PCED1B: variants seen among roughly 807,000 people sequenced by gnomAD.
PCED1B encodes PC-esterase domain-containing protein 1B.
For synonymous variants in PCED1B, 251 were observed against 246.1 expected, an observed-to-expected ratio of 1.02 and a Z score of -0.19; for missense variants, 573 against 573.9, an observed-to-expected ratio of 1.00 and a Z score of 0.02.
At chr12:47,193,966 C>T (rs1419367365) in intron 2 of PCED1B, among the ~76,000 whole-genome samples, 1 of 152,200 alleles carries the variant, frequency 6.6e-6, no homozygotes, top group East Asian at 1.9e-4. Context: ...TTCTGGTTTC[C>T]TGCCTACCTC....
At chr12:47,079,781 A>G (rs1211280370) in intron 1 of PCED1B, 56 bp downstream of exon 1, 1 of 149,422 alleles carries the variant, frequency 6.7e-6, no homozygotes, top group South Asian at 2.1e-4. Context: ...CCCCGCTCCC[A>G]GAGCCGGGGC....
chr12:47,194,462 C>T (rs1489788092), intron 2 of PCED1B, among the ~76,000 whole-genome samples: 1 of 152,126 alleles, frequency 6.6e-6, no homozygotes, highest in Non-Finnish European at 1.5e-5. Context: ...CGTGAGCCAC[C>T]GCACCTTGCT....
chr12:47,186,384 A>T (rs1216496811), intron 2 of PCED1B, among the ~76,000 whole-genome samples: 3 of 152,104 alleles, frequency 2.0e-5, no homozygotes, highest in Non-Finnish European at 4.4e-5. Context: ...AGGGCTAGTT[A>T]ATACGTTTTG....
In PCED1B at chr12:47,216,402, A is replaced by T. The variant is rs999918686; in HGVS notation, c.-345A>T. On this transcript the variant is annotated 5_prime_UTR_variant, in exon 3 of 4. It removes an upstream start codon present in the reference 5' UTR. Transcript: ENST00000546455. ...GACTTACCATTTCATGTTTTCACAC[A>T]TGTCAAAGTCTTGAAGCTTCGGTCA... 16 of 152,184 alleles carry T rather than the reference A, an allele frequency of 1.1e-4. No individual in the cohort carries two copies. Among genetic ancestry groups the T allele is most frequent in the African/African-American group, 3.9e-4 (16 of 41,396 alleles). The allele number at this position is 152,184 out of a possible 1,614,324, so 9.4% of individuals were successfully genotyped here.
chr12:47,163,872 A>G (rs1941463959), intron 2 of PCED1B, among the ~76,000 whole-genome samples: 1 of 152,218 alleles, frequency 6.6e-6, no homozygotes, highest in Non-Finnish European at 1.5e-5. Context: ...GTGAGCAGGC[A>G]TGTACAAAGA....
At chr12:47,167,745 T>C (rs1941592328) in intron 2 of PCED1B, among the ~76,000 whole-genome samples, 2 of 152,196 alleles carry the variant, frequency 1.3e-5, no homozygotes, top group East Asian at 1.9e-4. Flanking sequence ...TGAGTTGGTA[T>C]TCTGTTATAG....
At chr12:47,151,334 G>C (rs1488443537) in intron 2 of PCED1B, among the ~76,000 whole-genome samples, 1 of 152,088 alleles carries the variant, frequency 6.6e-6, no homozygotes, top group East Asian at 1.9e-4. Flanking sequence ...ACAGTATTCA[G>C]AATAGTAACA....
At chr12:47,102,645 C>T (rs745374897) in intron 1 of PCED1B, among the ~76,000 whole-genome samples, 2 of 152,180 alleles carry the variant, frequency 1.3e-5, no homozygotes, top group African/African-American at 2.4e-5. Flanking sequence ...GTTTGAGTTA[C>T]AGTCCTGAGA....
At chr12:47,195,336 AAAAAAG>A (rs891930406) in intron 2 of PCED1B, among the ~76,000 whole-genome samples, 1 of 151,854 alleles carries the variant, frequency 6.6e-6, no homozygotes, top group African/African-American at 2.4e-5. Flanking sequence ...CTCAAAAAAA[AAAAAAG>A]AAAAAAAGAA....
Position 47,140,740 on chromosome 12 carries a change from A to G in PCED1B, c.-526+36545A>G, listed in dbSNP as rs554975954. On this transcript the variant is annotated intron_variant, in intron 2 of 3. Coordinates refer to ENST00000546455, the MANE Select transcript of PCED1B (RefSeq NM_138371.3). ...TAATTGTAGTGGCTGCATGCAAAAA[A>G]AGAAAATATATCCAAAATACAATGA... 2.0e-5 allele frequency among the ~76,000 whole-genome samples: 3 copies of G among 152,334 alleles called. No homozygotes were observed. The East Asian group carries it at 5.8e-4, about 29-fold the overall frequency.
chr12:47,093,810 T>G (rs1311447390), intron 1 of PCED1B, among the ~76,000 whole-genome samples: 1 of 152,092 alleles, frequency 6.6e-6, no homozygotes, highest in African/African-American at 2.4e-5. Context: ...GTCAATATTT[T>G]GAAATTGTTG....
At chr12:47,107,303 T>G (rs1938998184) in intron 2 of PCED1B, among the ~76,000 whole-genome samples, 1 of 151,940 alleles carries the variant, frequency 6.6e-6, no homozygotes. Flanking sequence ...AAGTCTCTCC[T>G]GTATCCATGA....
intron 1 of PCED1B, among the ~76,000 whole-genome samples, chr12:47,100,420 T>C (rs1362733401): frequency 6.6e-6 from 1 of 152,236 alleles, no homozygotes; most frequent in African/African-American, 2.4e-5. Flanking sequence ...GTCTTCTTTT[T>C]CCTTATATGT....
At chr12:47,099,436 C>T (rs752931663) in intron 1 of PCED1B, among the ~76,000 whole-genome samples, 5 of 152,192 alleles carry the variant, frequency 3.3e-5, no homozygotes, top group African/African-American at 4.8e-5. Context: ...GCCTTGAAAG[C>T]GGGGATCGTC....
At position 47,125,854 on chromosome 12, in the gene PCED1B, A is replaced by G. The variant is rs1939866877; in HGVS notation, c.-526+21659A>G. ...AATTGAGTTTACATTTTGTTCTTGT[A>G]TCCCACAATTTTGCTTAACTCATTT... On this transcript the variant is annotated intron_variant, in intron 2 of 3. Coordinates refer to ENST00000546455, the MANE Select transcript of PCED1B (RefSeq NM_138371.3). Among the ~76,000 whole-genome samples, 3 of 152,166 alleles carry G rather than the reference A, an allele frequency of 2.0e-5. No individual in the cohort carries two copies. In the South Asian group the frequency reaches 6.2e-4, roughly 31 times the overall value.
At chr12:47,088,688 GTT>G (rs1938106573) in intron 1 of PCED1B, among the ~76,000 whole-genome samples, 1 of 152,202 alleles carries the variant, frequency 6.6e-6, no homozygotes. Context: ...ATCAATGTAG[GTT>G]TCCTTGGCAG....
intron 1 of PCED1B, among the ~76,000 whole-genome samples, chr12:47,088,525 C>A (rs1366859368): frequency 6.6e-6 from 1 of 152,142 alleles, no homozygotes; most frequent in African/African-American, 2.4e-5. Flanking sequence ...TGAGGGTCAG[C>A]AATCTCAAAA....
intron 3 of PCED1B, among the ~76,000 whole-genome samples, chr12:47,218,316 ATTTCACCAGCACAAGATTC>A (rs1238854725): frequency 6.9e-6 from 1 of 145,382 alleles, no homozygotes; most frequent in East Asian, 2.0e-4. Context: ...TATGACATTC[ATTTCACCAGCACAAGATTC>A]TTGTTCCTCA....
intron 3 of PCED1B, among the ~76,000 whole-genome samples, chr12:47,230,914 C>A (rs1477271619): frequency 6.6e-6 from 1 of 152,178 alleles, no homozygotes; most frequent in South Asian, 2.1e-4. Flanking sequence ...GGCATTATTA[C>A]AAACAGTTTA....
Sources: allele counts gnomAD v4.1 joint callset (sites outside exome capture counted in the v4.1 genomes callset), GRCh38; gene constraint gnomAD v4.1.1; transcripts MANE v1.5; gene names NCBI Gene and HGNC (gene_info 2026-07-23, HGNC 2026-07-21).